The following BMPER variants were observed in gnomAD, a reference collection of about 807,000 sequenced individuals.
BMPER encodes the protein BMP binding endothelial regulator.
In BMPER, 45 loss-of-function variants were observed where a neutral mutation model predicts 87.3. The observed-to-expected ratio is 0.52, with a 90% CI of 0.41 to 0.66. The LOEUF (loss-of-function observed/expected upper bound fraction) is 0.66, where lower values mean the gene tolerates loss of function less well. Among genes scored for constraint, BMPER ranks in the 30% least tolerant of loss-of-function variants. BMPER has a pLI of 0.00. For missense variants in BMPER, 784 were observed against 867.5 expected, an observed-to-expected ratio of 0.90 and a Z score of 1.21; for synonymous variants, 326 against 316.2, an observed-to-expected ratio of 1.03 and a Z score of -0.33.
At position 34,153,137 on chromosome 7, in the gene BMPER, G is replaced by T; in HGVS notation, c.1922G>T (p.Gly641Val). ...GCTGTGTACGATACCTGTGGTCCGG[G>T]ATGTATCAAGACGTGTGACAACTGG... ...HGAVYDTCGP[G>V]CIKTCDNWNE... is the part of the protein sequence containing the mutation. Residue 641 changes from glycine (G) to valine (V), a missense_variant, in exon 15 of 15, where the codon GGA becomes GTA. Transcript: ENST00000649409. 1 of 1,614,008 alleles carries T rather than the reference G, an allele frequency of 6.2e-7. No individual in the cohort carries two copies. Among genetic ancestry groups the T allele is most frequent in the Non-Finnish European group, 8.5e-7 (1 of 1,179,948 alleles).
At chr7:34,003,025 T>A (rs1786626422) in intron 6 of BMPER, among the ~76,000 whole-genome samples, 1 of 151,828 alleles carries the variant, frequency 6.6e-6, no homozygotes, top group African/African-American at 2.4e-5. Context: ...TAATTTTTGA[T>A]AAGATAGGAT....
intron 6 of BMPER, among the ~76,000 whole-genome samples, chr7:33,994,588 A>G (rs376215316): frequency 4.6e-5 from 7 of 151,864 alleles, no homozygotes; most frequent in East Asian, 1.9e-4. Flanking sequence ...CTTCTGCGTC[A>G]CTCACGCTGG....
At chr7:33,954,476 G>A (rs999616452) in intron 3 of BMPER, among the ~76,000 whole-genome samples, 2 of 152,132 alleles carry the variant, frequency 1.3e-5, no homozygotes, top group African/African-American at 2.4e-5. Flanking sequence ...GAATGACCAC[G>A]GTGGAAGTAT....
intron 13 of BMPER, among the ~76,000 whole-genome samples, chr7:34,094,718 G>T (rs1212486231): frequency 1.3e-5 from 2 of 152,200 alleles, no homozygotes; most frequent in East Asian, 3.9e-4. Context: ...TGTGTAAAAG[G>T]GGATGCGGAG....
intron 14 of BMPER, 98 bp from the exon 15 acceptor site, chr7:34,152,994 C>T: frequency 7.3e-7 from 1 of 1,366,854 alleles, no homozygotes; most frequent in Non-Finnish European, 1.0e-6. Context: ...ATGGAAACGT[C>T]CATGAAGTGT....
intron 14 of BMPER, among the ~76,000 whole-genome samples, chr7:34,146,907 C>A (rs995170927): frequency 2.6e-5 from 4 of 152,164 alleles, no homozygotes; most frequent in Non-Finnish European, 5.9e-5. Flanking sequence ...TTTGTTTGTT[C>A]CCTATCACTG....
intron 6 of BMPER, among the ~76,000 whole-genome samples, chr7:34,005,384 A>C (rs1180975317): frequency 6.6e-6 from 1 of 152,076 alleles, no homozygotes; most frequent in African/African-American, 2.4e-5. Context: ...TTCTCAATAC[A>C]CACCTCAGAT....
intron 13 of BMPER, among the ~76,000 whole-genome samples, chr7:34,132,222 T>C (rs1260908669): frequency 6.6e-6 from 1 of 152,142 alleles, no homozygotes; most frequent in Non-Finnish European, 1.5e-5. Context: ...AAGAAGGCAT[T>C]TGCTCTCAAG....
chr7:34,005,181 G>C (rs1786691958), intron 6 of BMPER, among the ~76,000 whole-genome samples: 1 of 152,036 alleles, frequency 6.6e-6, no homozygotes, highest in Non-Finnish European at 1.5e-5. Flanking sequence ...AGTACCCTGG[G>C]GATGGGACTT....
chr7:34,058,819 A>G (rs1295770332), intron 10 of BMPER, among the ~76,000 whole-genome samples: 1 of 152,226 alleles, frequency 6.6e-6, no homozygotes, highest in East Asian at 1.9e-4. Flanking sequence ...GAAGGTGTCA[A>G]ACCTATTCAA....
At chr7:34,119,010 T>TCACACACACACA (rs1177104407) in intron 13 of BMPER, among the ~76,000 whole-genome samples, 4 of 33,990 alleles carry the variant, frequency 1.2e-4, no homozygotes, top group Middle Eastern at 0.013. Flanking sequence ...TCTCTCTCTC[T>TCACACACACACA]CTCTCACACA....
intron 8 of BMPER, among the ~76,000 whole-genome samples, chr7:34,054,854 G>A (rs1164993772): frequency 6.6e-6 from 1 of 152,202 alleles, no homozygotes; most frequent in South Asian, 2.1e-4. Context: ...CTGGTGGTTC[G>A]TGGGGAGCTG....
At chr7:34,062,881 G>A (rs1442283857) in intron 11 of BMPER, among the ~76,000 whole-genome samples, 2 of 152,138 alleles carry the variant, frequency 1.3e-5, no homozygotes, top group Non-Finnish European at 2.9e-5. Flanking sequence ...TGACCAAAAT[G>A]TTGTTGTGTG....
At chr7:33,997,912 C>T (rs1316016943) in intron 6 of BMPER, among the ~76,000 whole-genome samples, 1 of 152,168 alleles carries the variant, frequency 6.6e-6, no homozygotes. Context: ...GCTCCTAAAT[C>T]CCCCTGCCAC....
At chr7:34,105,678 A>C (rs890044264) in intron 13 of BMPER, among the ~76,000 whole-genome samples, 1 of 152,226 alleles carries the variant, frequency 6.6e-6, no homozygotes, top group Non-Finnish European at 1.5e-5. Context: ...TATTTACTTC[A>C]CAGTTCCAAT....
At chr7:33,938,395 G>T (rs1463014464) in intron 3 of BMPER, among the ~76,000 whole-genome samples, 2 of 152,164 alleles carry the variant, frequency 1.3e-5, no homozygotes, top group East Asian at 1.9e-4. Flanking sequence ...CTGAATTTGG[G>T]TGGCCCCAAA....
chr7:34,006,029 A>G (rs1373054776), intron 6 of BMPER, among the ~76,000 whole-genome samples: 1 of 152,004 alleles, frequency 6.6e-6, no homozygotes, highest in East Asian at 1.9e-4. Flanking sequence ...CATTGTAGCC[A>G]TTATTTGTAA....
intron 3 of BMPER, among the ~76,000 whole-genome samples, chr7:33,963,731 T>G (rs1785332474): frequency 6.6e-6 from 1 of 152,124 alleles, no homozygotes; most frequent in Admixed American, 6.5e-5. Flanking sequence ...AGGCGGAGGT[T>G]GCAGTAAGCC....
At chr7:33,970,973 T>A (rs534155448) in intron 5 of BMPER, among the ~76,000 whole-genome samples, 1 of 152,214 alleles carries the variant, frequency 6.6e-6, no homozygotes, top group Non-Finnish European at 1.5e-5. Context: ...TTTACTTTTC[T>A]GAACAGGATT....
Sources: gnomAD v4.1 joint callset for allele counts (sites outside exome capture counted in the v4.1 genomes callset) on GRCh38, gnomAD v4.1.1 for gene constraint, MANE v1.5 for transcripts, NCBI Gene and HGNC (gene_info 2026-07-23, HGNC 2026-07-21) for gene names.